The following EGFR variants were observed in gnomAD, a reference collection of about 807,000 sequenced individuals.
The protein encoded by EGFR is avian erythroblastic leukemia viral (v-erb-b) oncogene homolog.
In EGFR, 58 loss-of-function variants were observed where a neutral mutation model predicts 143.0. The ratio of observed to expected loss-of-function variants is 0.41; its 90% CI spans 0.33 to 0.50. The LOEUF is 0.50. Ranked by LOEUF, EGFR falls within the 20% of genes least tolerant of loss-of-function variation. EGFR has a pLI of 0.39. For missense variants in EGFR, 1,307 were observed against 1,579.0 expected, an observed-to-expected ratio of 0.83 and a Z score of 2.92; for synonymous variants, 613 against 594.4, an observed-to-expected ratio of 1.03 and a Z score of -0.45.
intron 1 of EGFR, among the ~76,000 whole-genome samples, chr7:55,097,865 C>T (rs974940400): frequency 3.3e-5 from 5 of 151,708 alleles, no homozygotes; most frequent in Non-Finnish European, 5.9e-5. Context: ...CCTAAATGCA[C>T]CTAAACTTCT....
chr7:55,086,781 C>T (rs964999139), intron 1 of EGFR, among the ~76,000 whole-genome samples: 4 of 152,332 alleles, frequency 2.6e-5, no homozygotes, highest in Middle Eastern at 3.4e-3. Flanking sequence ...TGGGGTTTGA[C>T]GACCCATGGG....
chr7:55,196,486 G>A (rs1204820176), intron 22 of EGFR, among the ~76,000 whole-genome samples: 4 of 152,224 alleles, frequency 2.6e-5, no homozygotes, highest in South Asian at 4.2e-4. Flanking sequence ...TCACTCTGAT[G>A]ATAGTTTCTT....
chr7:55,170,948 A>G (rs1395167741), intron 15 of EGFR: 37 of 1,435,508 alleles, frequency 2.6e-5, no homozygotes, highest in Non-Finnish European at 5.5e-6. Flanking sequence ...TGCTAGAACA[A>G]CGCCTGTCAC....
At chr7:55,094,601 T>C (rs1791331015) in intron 1 of EGFR, among the ~76,000 whole-genome samples, 1 of 152,216 alleles carries the variant, frequency 6.6e-6, no homozygotes, top group Non-Finnish European at 1.5e-5. Context: ...AGAAGAGGAA[T>C]TTACGACAAG....
intron 1 of EGFR, among the ~76,000 whole-genome samples, chr7:55,095,173 C>T (rs1001473663): frequency 2.0e-5 from 3 of 152,218 alleles, no homozygotes; most frequent in Non-Finnish European, 1.5e-5. Flanking sequence ...GCTGCAGGTC[C>T]CGCAAGACAC....
intron 1 of EGFR, among the ~76,000 whole-genome samples, chr7:55,120,589 C>A (rs971543505): frequency 3.3e-5 from 5 of 152,146 alleles, no homozygotes; most frequent in Middle Eastern, 3.2e-3. Flanking sequence ...TAACATCTAT[C>A]CCCCTTCCTA....
At chr7:55,102,969 G>A (rs558838349) in intron 1 of EGFR, among the ~76,000 whole-genome samples, 3 of 152,196 alleles carry the variant, frequency 2.0e-5, no homozygotes, top group Non-Finnish European at 4.4e-5. Flanking sequence ...AGAAGGCCAC[G>A]TGCTTTGACT....
intron 1 of EGFR, among the ~76,000 whole-genome samples, chr7:55,028,840 T>TAAACA (rs1787086834): frequency 1.3e-5 from 2 of 152,170 alleles, no homozygotes. Flanking sequence ...CCACTTTTGA[T>TAAACA]TAAGTCCAAA....
intron 1 of EGFR, among the ~76,000 whole-genome samples, chr7:55,138,742 TA>T (rs1794297161): frequency 6.6e-6 from 1 of 152,242 alleles, no homozygotes; most frequent in African/African-American, 2.4e-5. Context: ...GAGGTTGTCT[TA>T]GTTAATTTTA....
At chr7:55,187,752 G>A (rs967243887) in intron 20 of EGFR, among the ~76,000 whole-genome samples, 5 of 151,742 alleles carry the variant, frequency 3.3e-5, no homozygotes, top group Admixed American at 1.3e-4. Flanking sequence ...CATCAGATCC[G>A]TAGTTTCAGA....
intron 1 of EGFR, among the ~76,000 whole-genome samples, chr7:55,079,239 G>A (rs937834650): frequency 6.6e-6 from 1 of 152,198 alleles, no homozygotes; most frequent in Non-Finnish European, 1.5e-5. Context: ...GGCCAGGCAC[G>A]GGGTGTGGGC....
At chr7:55,174,335 C>T (rs1786494891) in intron 18 of EGFR, among the ~76,000 whole-genome samples, 2 of 152,232 alleles carry the variant, frequency 1.3e-5, no homozygotes, top group Non-Finnish European at 1.5e-5. Context: ...CGCCTCTCAC[C>T]GCACGGCATC....
rs1386596208 is a variant in EGFR at position 55,202,919 on chromosome 7, CATG to C, written c.3271+298_3271+300del. 7 of 636,256 alleles carry C rather than the reference CATG, an allele frequency of 1.1e-5. No homozygotes were observed. The East Asian group carries it at 1.4e-4, about 12-fold the overall frequency. The allele number at this position is 636,256 out of a possible 1,614,324, so 39.4% of individuals were successfully genotyped here. ...ATACACATCTGTGTGTGTGAGTGTT[CATG>C]ATGTGTGTACATCTGTGTATGTGTG... On this transcript the variant is annotated intron_variant, in intron 27 of 27. Coordinates refer to ENST00000275493, the MANE Select transcript of EGFR (RefSeq NM_005228.5).
rs17336619 is a variant in EGFR at position 55,153,818 on chromosome 7, G to T, written c.748-193G>T. 3.5e-3 allele frequency among the ~76,000 whole-genome samples: 540 copies of T among 152,218 alleles called. 2 individuals are homozygous for T. Among genetic ancestry groups the T allele is most frequent in the African/African-American group, 0.012 (516 of 41,524 alleles). On this transcript the variant is annotated intron_variant, in intron 6 of 27. Coordinates refer to ENST00000275493, the MANE Select transcript of EGFR (RefSeq NM_005228.5). ...GGGACAGTGCACCTAAGAAAAAAAT[G>T]GACTTTTTAGAGAAGGGTCTTTCTG...
intron 1 of EGFR, among the ~76,000 whole-genome samples, chr7:55,141,141 G>A (rs1794435225): frequency 6.6e-6 from 1 of 152,142 alleles, no homozygotes; most frequent in African/African-American, 2.4e-5. Context: ...GAAGAACCTG[G>A]CCAAGGCTCA....
rs553332015 is a variant in EGFR, at chr7:55,158,330, A to T, written c.1298+577A>T. On this transcript the variant is annotated intron_variant, in intron 11 of 27. Coordinates refer to ENST00000275493, the MANE Select transcript of EGFR (RefSeq NM_005228.5). ...CATCAGTTTAGTGGTGTGGAGGAGG[A>T]GATGGGAATCTCTTAGTGAAACCCG... 3.9e-5 allele frequency among the ~76,000 whole-genome samples: 6 copies of T among 152,318 alleles called. No homozygotes were observed. The East Asian group carries it at 1.2e-3, about 29-fold the overall frequency.
chr7:55,157,938 G>A (rs1449203405), intron 11 of EGFR, among the ~76,000 whole-genome samples, 185 bp downstream of exon 11: 1 of 152,198 alleles, frequency 6.6e-6, no homozygotes, highest in Admixed American at 6.5e-5. Flanking sequence ...CAGGCTGTCC[G>A]CTAAACCACA....
chr7:55,141,738 A>T (rs1326940966), intron 1 of EGFR, among the ~76,000 whole-genome samples: 1 of 152,182 alleles, frequency 6.6e-6, no homozygotes, highest in Non-Finnish European at 1.5e-5. Context: ...TGCCCAGTGT[A>T]TGTTATGTTT....
intron 15 of EGFR, among the ~76,000 whole-genome samples, chr7:55,169,656 A>G (rs181692451): frequency 1.6e-4 from 24 of 152,162 alleles, no homozygotes; most frequent in Non-Finnish European, 2.9e-4. Flanking sequence ...CATACTCAAT[A>G]GTCATTTCTG....
Sources: gnomAD v4.1 joint callset for allele counts (sites outside exome capture counted in the v4.1 genomes callset) on GRCh38, gnomAD v4.1.1 for gene constraint, MANE v1.5 for transcripts, NCBI Gene and HGNC (gene_info 2026-07-23, HGNC 2026-07-21) for gene names.